The following PITPNC1 variants were observed in gnomAD, a reference collection of about 807,000 sequenced individuals.
PITPNC1 encodes the protein cytoplasmic phosphatidylinositol transfer protein 1.
In PITPNC1, 18 loss-of-function variants were observed where a neutral mutation model predicts 44.7. The ratio of observed to expected loss-of-function variants is 0.40; its 90% CI spans 0.28 to 0.60. The LOEUF (loss-of-function observed/expected upper bound fraction) is 0.60. PITPNC1 is among the 20% of genes least tolerant of loss of function. The pLI is 0.39. For synonymous variants in PITPNC1, 141 were observed against 149.6 expected (o/e 0.94, Z 0.42); for missense variants, 290 against 418.4 (o/e 0.69, Z 2.68).
At chr17:67,555,419 G>A (rs1179749333) in intron 4 of PITPNC1, among the ~76,000 whole-genome samples, 2 of 152,088 alleles carry the variant, frequency 1.3e-5, no homozygotes, top group African/African-American at 2.4e-5. Context: ...CTTTGCCAAC[G>A]CTAAATATAA....
chr17:67,471,332 ATACC>A (rs1486497660), intron 1 of PITPNC1, among the ~76,000 whole-genome samples: 2 of 151,192 alleles, frequency 1.3e-5, no homozygotes, highest in Non-Finnish European at 2.9e-5. Context: ...CTGAATGGAT[ATACC>A]ACAGTCTGTT....
chr17:67,510,548 C>T (rs1292682377), intron 1 of PITPNC1, among the ~76,000 whole-genome samples: 1 of 152,182 alleles, frequency 6.6e-6, no homozygotes, highest in African/African-American at 2.4e-5. Context: ...CGCCCTTGAC[C>T]GCCTCGGCCT....
chr17:67,506,565 T>G (rs2040104178), intron 1 of PITPNC1, among the ~76,000 whole-genome samples: 1 of 152,220 alleles, frequency 6.6e-6, no homozygotes. Flanking sequence ...TGAATGATCA[T>G]GTAAATTCAG....
chr17:67,501,338 A>G (rs935089199), intron 1 of PITPNC1, among the ~76,000 whole-genome samples: 1 of 152,004 alleles, frequency 6.6e-6, no homozygotes, highest in East Asian at 1.9e-4. Flanking sequence ...CTGTAGATGC[A>G]CTCCGGGTTA....
At chr17:67,480,278 C>T (rs2039684835) in intron 1 of PITPNC1, among the ~76,000 whole-genome samples, 1 of 152,112 alleles carries the variant, frequency 6.6e-6, no homozygotes, top group Non-Finnish European at 1.5e-5. Context: ...GTAAATATCT[C>T]GCAGACAGAA....
intron 5 of PITPNC1, among the ~76,000 whole-genome samples, chr17:67,606,230 A>G (rs1221533539): frequency 1.3e-5 from 2 of 152,264 alleles, no homozygotes; most frequent in African/African-American, 4.8e-5. Context: ...GTCATGAAAA[A>G]TGGGACTGAA....
In PITPNC1 at chr17:67,669,596, A is replaced by T; in HGVS notation, c.551A>T (p.Tyr184Phe). The change falls in exon 7 of 9, where the codon TAC becomes TTC. Residue 184 changes from tyrosine to phenylalanine, a missense_variant. Coordinates refer to ENST00000581322, the MANE Select transcript of PITPNC1 (RefSeq NM_012417.4). ...RDSHQPIMCSYKLVTVKFEVW... is the reference protein window; with the variant it reads ...RDSHQPIMCSFKLVTVKFEVW... ...AGTCATCAGCCTATCATGTGCTCCTACAAGCTGGTGACTGTGAAGTTTGAG... is the reference window on the plus strand; with the variant it reads ...AGTCATCAGCCTATCATGTGCTCCTTCAAGCTGGTGACTGTGAAGTTTGAG... 6.2e-7 allele frequency: 1 copy of T among 1,606,010 alleles called. No individual in the cohort carries two copies. The highest frequency in any genetic ancestry group is 8.5e-7 in the Non-Finnish European group (1 of 1,175,842).
chr17:67,464,209 AT>A (rs150048221), intron 1 of PITPNC1, among the ~76,000 whole-genome samples: 45,418 of 151,178 alleles, frequency 0.3, 7,029 homozygotes, highest in African/African-American at 0.38. Flanking sequence ...AAAAAAAAAA[AT>A]GATATTTTCT....
chr17:67,629,488 C>T (rs2041938812), intron 5 of PITPNC1, among the ~76,000 whole-genome samples: 1 of 152,136 alleles, frequency 6.6e-6, no homozygotes, highest in African/African-American at 2.4e-5. Flanking sequence ...TCTTGAACTC[C>T]CAGCCTCAAG....
intron 1 of PITPNC1, among the ~76,000 whole-genome samples, chr17:67,503,348 T>C (rs1160893688): frequency 6.6e-6 from 1 of 152,088 alleles, no homozygotes; most frequent in African/African-American, 2.4e-5. Flanking sequence ...CTTTGTCTCA[T>C]AAATGAGATG....
intron 1 of PITPNC1, among the ~76,000 whole-genome samples, chr17:67,417,602 G>A (rs1306807436): frequency 6.6e-6 from 1 of 152,152 alleles, no homozygotes; most frequent in Non-Finnish European, 1.5e-5. Context: ...TGTATTTTCT[G>A]TAAAATTCTG....
intron 5 of PITPNC1, among the ~76,000 whole-genome samples, chr17:67,623,827 T>C (rs1488299410): frequency 6.6e-6 from 1 of 152,224 alleles, no homozygotes; most frequent in African/African-American, 2.4e-5. Context: ...CCCAAAATTG[T>C]GGATTTATGA....
At chr17:67,378,269 C>G in intron 1 of PITPNC1, 67 bp downstream of exon 1, 1 of 1,076,806 alleles carries the variant, frequency 9.3e-7, no homozygotes, top group East Asian at 3.2e-5. Context: ...GCCTCCTGGC[C>G]GGCGAGCCCC....
At chr17:67,567,067 C>T (rs139043883) in intron 4 of PITPNC1, among the ~76,000 whole-genome samples, 19 of 152,332 alleles carry the variant, frequency 1.2e-4, no homozygotes, top group Non-Finnish European at 2.4e-4. Context: ...ACAGGAAGGA[C>T]GGTATAACAC....
intron 5 of PITPNC1, among the ~76,000 whole-genome samples, chr17:67,627,028 T>C (rs1169449930): frequency 2.0e-5 from 3 of 150,068 alleles, no homozygotes; most frequent in Non-Finnish European, 4.4e-5. Context: ...GAGGCCAAGA[T>C]GGGTGGACCA....
chr17:67,389,318 A>G (rs1411866260), intron 1 of PITPNC1, among the ~76,000 whole-genome samples: 1 of 152,240 alleles, frequency 6.6e-6, no homozygotes, highest in East Asian at 1.9e-4. Context: ...CTCACCAATC[A>G]GTGGGAATCT....
chr17:67,466,938 G>A (rs926490329), intron 1 of PITPNC1, among the ~76,000 whole-genome samples: 10 of 152,146 alleles, frequency 6.6e-5, no homozygotes, highest in African/African-American at 2.4e-4. Context: ...CTATTAACAG[G>A]GCTTTGACTG....
intron 1 of PITPNC1, chr17:67,408,919 C>T (rs1256838332): frequency 6.6e-6 from 1 of 152,032 alleles, no homozygotes; most frequent in Non-Finnish European, 1.5e-5. Context: ...CTTGGTTTAA[C>T]ATCTAAGAAA....
At chr17:67,584,425 C>T (rs1004136704) in intron 5 of PITPNC1, among the ~76,000 whole-genome samples, 1 of 152,124 alleles carries the variant, frequency 6.6e-6, no homozygotes, top group African/African-American at 2.4e-5. Context: ...GAATGTATTT[C>T]ATTTCTAGCT....
Sources: allele counts gnomAD v4.1 joint callset (sites outside exome capture counted in the v4.1 genomes callset), GRCh38; gene constraint gnomAD v4.1.1; transcripts MANE v1.5; gene names NCBI Gene and HGNC (gene_info 2026-07-23, HGNC 2026-07-21).